Variants in PDE4B observed in about 807,000 individuals in gnomAD.
The protein encoded by PDE4B is 3',5'-cyclic-AMP phosphodiesterase 4B.
Under a neutral mutation model 82.2 loss-of-function variants are expected in PDE4B, and 20 were observed. The ratio of observed to expected loss-of-function variants is 0.24; its 90% CI spans 0.17 to 0.35. The LOEUF (loss-of-function observed/expected upper bound fraction) is 0.35. Among genes scored for constraint, PDE4B ranks in the 10% least tolerant of loss-of-function variants. PDE4B has a pLI of 1.00. For synonymous variants in PDE4B, 320 were observed against 318.9 expected (o/e 1.00, Z -0.04); for missense variants, 655 against 907.2 (o/e 0.72, Z 3.57).
At chr1:66,061,650 T>C (rs1209274170) in intron 3 of PDE4B, among the ~76,000 whole-genome samples, 1 of 152,178 alleles carries the variant, frequency 6.6e-6, no homozygotes, top group Non-Finnish European at 1.5e-5. Flanking sequence ...TTATTTAAAC[T>C]GATATACCAA....
chr1:66,034,294 A>G (rs1270905434), intron 3 of PDE4B, among the ~76,000 whole-genome samples: 1 of 152,250 alleles, frequency 6.6e-6, no homozygotes, highest in Non-Finnish European at 1.5e-5. Flanking sequence ...GTTAAATAAC[A>G]AGTAGTTGAA....
intron 3 of PDE4B, among the ~76,000 whole-genome samples, chr1:66,001,632 T>C (rs1436437772): frequency 6.6e-6 from 1 of 152,216 alleles, no homozygotes; most frequent in Non-Finnish European, 1.5e-5. Flanking sequence ...TATGGTTTTC[T>C]GGGTAAACAT....
At chr1:65,817,835 T>C (rs201640717) in intron 1 of PDE4B, among the ~76,000 whole-genome samples, 1 of 152,362 alleles carries the variant, frequency 6.6e-6, no homozygotes, top group East Asian at 1.9e-4. Flanking sequence ...TGTAAAATTA[T>C]AATTGAAGAT....
Position 66,140,747 on chromosome 1 carries a change from T to C in PDE4B, c.282-106713T>C, listed in dbSNP as rs918462284. On this transcript the variant is annotated intron_variant, in intron 3 of 16. Coordinates refer to ENST00000341517, the MANE Select transcript of PDE4B (RefSeq NM_002600.4). Reference sequence around the variant, plus strand: ...TGCTTAAATGTGATATGTGTGCCTATTAAAGTTACAGTTAAATCTTTTATA... The same window carrying C: ...TGCTTAAATGTGATATGTGTGCCTACTAAAGTTACAGTTAAATCTTTTATA... 6.6e-5 allele frequency among the ~76,000 whole-genome samples: 10 copies of C among 152,224 alleles called. No individual in the cohort carries two copies. In the East Asian group the frequency reaches 1.7e-3, roughly 26 times the overall value.
At chr1:66,235,133 AT>A (rs1213621911) in intron 3 of PDE4B, among the ~76,000 whole-genome samples, 3 of 152,112 alleles carry the variant, frequency 2.0e-5, no homozygotes, top group Non-Finnish European at 2.9e-5. Flanking sequence ...ATGACTTCAA[AT>A]TTTTTTGATG....
intron 1 of PDE4B, among the ~76,000 whole-genome samples, chr1:65,807,724 TACTC>T (rs1438555785): frequency 6.6e-6 from 1 of 152,186 alleles, no homozygotes; most frequent in Non-Finnish European, 1.5e-5. Flanking sequence ...TTTCTTTAAT[TACTC>T]ATGAGCCTAA....
chr1:66,203,426 A>G (rs11810493), intron 3 of PDE4B, among the ~76,000 whole-genome samples: 2,166 of 152,264 alleles, frequency 0.014, 65 homozygotes, highest in African/African-American at 0.05. Context: ...CTCCTGGGTA[A>G]TATCCTGCAG....
At chr1:66,070,020 T>C (rs900862517) in intron 3 of PDE4B, among the ~76,000 whole-genome samples, 2 of 152,038 alleles carry the variant, frequency 1.3e-5, no homozygotes, top group African/African-American at 4.8e-5. Context: ...TTGTGTTTGC[T>C]CATCGAGGGG....
intron 7 of PDE4B, among the ~76,000 whole-genome samples, chr1:66,311,054 A>G (rs1658633402): frequency 6.6e-6 from 1 of 152,096 alleles, no homozygotes; most frequent in Non-Finnish European, 1.5e-5. Flanking sequence ...TATCCATGGG[A>G]TCTTGAACGG....
intron 3 of PDE4B, among the ~76,000 whole-genome samples, chr1:66,005,316 T>A (rs1401882851): frequency 1.3e-5 from 2 of 152,058 alleles, no homozygotes; most frequent in Admixed American, 1.3e-4. Context: ...TGCAGAAAGA[T>A]AATAACAAGC....
chr1:65,856,271 T>C (rs1316193661), intron 1 of PDE4B, among the ~76,000 whole-genome samples: 1 of 152,160 alleles, frequency 6.6e-6, no homozygotes, highest in African/African-American at 2.4e-5. Context: ...ACATGTGCCA[T>C]GGTGGTTTGC....
At chr1:66,062,459 C>CT (rs1168036104) in intron 3 of PDE4B, among the ~76,000 whole-genome samples, 2 of 151,976 alleles carry the variant, frequency 1.3e-5, no homozygotes, top group Non-Finnish European at 2.9e-5. Flanking sequence ...GGAAATTAGG[C>CT]TTTTTCTGCA....
At chr1:66,227,529 C>T (rs1651552283) in intron 3 of PDE4B, among the ~76,000 whole-genome samples, 1 of 152,158 alleles carries the variant, frequency 6.6e-6, no homozygotes, top group Non-Finnish European at 1.5e-5. Context: ...ATTTATTGAA[C>T]ATCTACTCTG....
At chr1:66,296,252 G>T (rs1266047492) in intron 7 of PDE4B, among the ~76,000 whole-genome samples, 1 of 152,090 alleles carries the variant, frequency 6.6e-6, no homozygotes, top group African/African-American at 2.4e-5. Flanking sequence ...CTAATGCTTG[G>T]CACATACCTG....
At chr1:66,321,657 T>A (rs1484433483) in intron 7 of PDE4B, among the ~76,000 whole-genome samples, 1 of 152,096 alleles carries the variant, frequency 6.6e-6, no homozygotes, top group Non-Finnish European at 1.5e-5. Context: ...AAACCACTGC[T>A]CAAAGAAATA....
At chr1:65,975,726 A>G (rs1186337518) in intron 3 of PDE4B, among the ~76,000 whole-genome samples, 1 of 152,222 alleles carries the variant, frequency 6.6e-6, no homozygotes, top group Non-Finnish European at 1.5e-5. Context: ...TGTGGCTAAA[A>G]GGAGCCAGGG....
At chr1:66,335,356 G>A (rs1409083185) in intron 8 of PDE4B, among the ~76,000 whole-genome samples, 1 of 152,186 alleles carries the variant, frequency 6.6e-6, no homozygotes, top group Non-Finnish European at 1.5e-5. Context: ...GGGGTATTTG[G>A]GAATTACATA....
intron 3 of PDE4B, among the ~76,000 whole-genome samples, chr1:66,108,453 C>A (rs987987336): frequency 2.0e-5 from 3 of 151,872 alleles, no homozygotes; most frequent in Admixed American, 2.0e-4. Flanking sequence ...AATGCTATTG[C>A]ATCACACTAA....
intron 3 of PDE4B, among the ~76,000 whole-genome samples, chr1:66,125,296 T>G (rs1272887626): frequency 6.6e-6 from 1 of 151,686 alleles, no homozygotes; most frequent in East Asian, 1.9e-4. Context: ...CCCGAGTAGA[T>G]GGGATTACAA....
Sources: allele counts gnomAD v4.1 joint callset (sites outside exome capture counted in the v4.1 genomes callset), GRCh38; gene constraint gnomAD v4.1.1; transcripts MANE v1.5; gene names NCBI Gene and HGNC (gene_info 2026-07-23, HGNC 2026-07-21).